Variants in KCNN1 observed in about 807,000 individuals in gnomAD.
KCNN1 encodes the protein potassium calcium-activated channel subfamily N member 1.
In KCNN1, 20 loss-of-function variants were observed where a neutral mutation model predicts 44.7. The observed-to-expected ratio is 0.45, with a 90% CI of 0.32 to 0.65. The LOEUF is 0.65. KCNN1 is among the 30% of genes least tolerant of loss of function. The pLI is 0.05. For missense variants in KCNN1, 632 were observed against 785.3 expected (o/e 0.80, Z 2.33); for synonymous variants, 324 against 341.7 (o/e 0.95, Z 0.57).
intron 1 of KCNN1, among the ~76,000 whole-genome samples, chr19:17,954,098 C>T (rs1428744299): frequency 6.6e-6 from 1 of 152,160 alleles, no homozygotes; most frequent in Admixed American, 6.6e-5. Flanking sequence ...GGGGCTAGCC[C>T]AGGGCCCCAT....
intron 4 of KCNN1, chr19:17,982,568 G>A (rs2032454589): frequency 1.0e-6 from 1 of 985,314 alleles, no homozygotes; most frequent in Admixed American, 6.1e-5. Flanking sequence ...TGGACTTTAG[G>A]GAAAACATGT....
chr19:17,989,132 A>C (rs1173126540), intron 6 of KCNN1, among the ~76,000 whole-genome samples: 1 of 152,168 alleles, frequency 6.6e-6, no homozygotes, highest in East Asian at 1.9e-4. Flanking sequence ...AAAATCAGGG[A>C]AATAAAAACA....
chr19:17,984,236 C>A (rs2032519858), intron 4 of KCNN1, among the ~76,000 whole-genome samples: 1 of 151,974 alleles, frequency 6.6e-6, no homozygotes, highest in African/African-American at 2.4e-5. Flanking sequence ...ACTGGAGGTG[C>A]CTGGAGTGGC....
chr19:17,982,890 G>T (rs531375481), intron 4 of KCNN1, among the ~76,000 whole-genome samples: 1 of 152,124 alleles, frequency 6.6e-6, no homozygotes, highest in Non-Finnish European at 1.5e-5. Flanking sequence ...ATGGATCTGG[G>T]GTGGGCTAGG....
At chr19:17,979,803 T>A (rs1183560938) in intron 3 of KCNN1, among the ~76,000 whole-genome samples, 1 of 152,088 alleles carries the variant, frequency 6.6e-6, no homozygotes, top group South Asian at 2.1e-4. Context: ...GACTTTTTTT[T>A]CTTTTTCTTA....
rs557634078 is a variant in KCNN1, at chr19:17,954,858, C to T, written c.-82+177C>T. On this transcript the variant is annotated intron_variant, in intron 2 of 10. Coordinates refer to the KCNN1 transcript ENST00000222249. ...TTTGAGGCCAGTTTGGCCGACATGG[C>T]GAAACCCCGTGTCTACTAAAAATAC... Among the ~76,000 whole-genome samples the T allele has an allele frequency of 6.2e-4, 94 of 151,512 alleles. No individual in the cohort carries two copies. The South Asian group carries it at 0.019, about 30-fold the overall frequency.
At chr19:17,996,028 G>C (rs1022217724) in intron 9 of KCNN1, among the ~76,000 whole-genome samples, 1 of 151,930 alleles carries the variant, frequency 6.6e-6, no homozygotes, top group Admixed American at 6.6e-5. Flanking sequence ...GGTAGAGAAA[G>C]GAAAATATTA....
intron 1 of KCNN1, among the ~76,000 whole-genome samples, chr19:17,952,845 C>T (rs2031448513): frequency 1.3e-5 from 2 of 152,132 alleles, no homozygotes; most frequent in South Asian, 4.1e-4. Context: ...CCTCCCTTCC[C>T]CCCTCCCCTC....
At position 17,975,330 on chromosome 19, in the gene KCNN1, C is replaced by G. The variant is rs1289505198; in HGVS notation, c.498+143C>G. 11 of 596,990 alleles carry G rather than the reference C, an allele frequency of 1.8e-5. No homozygotes were observed. The Middle Eastern group carries it at 1.0e-3, about 57-fold the overall frequency. The allele number at this position is 596,990 out of a possible 1,614,324, so 37.0% of individuals were successfully genotyped here. On this transcript the variant is annotated intron_variant, in intron 3 of 9. Coordinates refer to ENST00000684775, the MANE Select transcript of KCNN1 (RefSeq NM_001386974.1). Reference sequence around the variant, plus strand: ...TAGAAAAAAGATCTCCATAAAGACACACAGTTTCCATCATTCTAGATTTCC... The same window carrying G: ...TAGAAAAAAGATCTCCATAAAGACAGACAGTTTCCATCATTCTAGATTTCC...
In KCNN1 at chr19:17,979,182, C is replaced by T. The variant is rs186075073; in HGVS notation, c.499-2527C>T. Reference sequence around the variant, plus strand: ...AAAGGCCGGGCTCACGACTGTAATCCCAGCACTTTGGGAGGCCGAGGTGGG... The same window carrying T: ...AAAGGCCGGGCTCACGACTGTAATCTCAGCACTTTGGGAGGCCGAGGTGGG... On this transcript the variant is annotated intron_variant, in intron 3 of 9. Coordinates refer to ENST00000684775, the MANE Select transcript of KCNN1 (RefSeq NM_001386974.1). Among the ~76,000 whole-genome samples, 1,476 of 150,626 alleles carry T rather than the reference C, an allele frequency of 9.8e-3. 24 individuals are homozygous for T. The highest frequency in any genetic ancestry group is 0.035 in the African/African-American group (1,428 of 40,984).
chr19:17,956,293 G>A (rs1163493702), intron 2 of KCNN1, among the ~76,000 whole-genome samples: 2 of 152,188 alleles, frequency 1.3e-5, no homozygotes, highest in Non-Finnish European at 2.9e-5. Context: ...CCATGGGGGT[G>A]TGGAGAAAAC....
intron 9 of KCNN1, among the ~76,000 whole-genome samples, chr19:17,996,222 C>CTT (rs2032988006): frequency 4.0e-5 from 6 of 150,104 alleles, no homozygotes; most frequent in African/African-American, 1.5e-4. Flanking sequence ...GGGAGGATCA[C>CTT]TTGAGCCTGG....
At chr19:17,994,496 C>A (rs2032913480) in intron 9 of KCNN1, among the ~76,000 whole-genome samples, 1 of 150,560 alleles carries the variant, frequency 6.6e-6, no homozygotes, top group Admixed American at 6.6e-5. Flanking sequence ...ATACATGGAT[C>A]TGTGTGTTGA....
intron 1 of KCNN1, chr19:17,971,962 G>A (rs2032038802): frequency 6.6e-6 from 1 of 152,000 alleles, no homozygotes; most frequent in Non-Finnish European, 1.5e-5. Flanking sequence ...TGGAGCCCAG[G>A]AGTTCCAGAC....
intron 1 of KCNN1, among the ~76,000 whole-genome samples, chr19:17,970,976 C>T (rs1448771558): frequency 2.6e-5 from 4 of 151,672 alleles, no homozygotes; most frequent in South Asian, 2.1e-4. Context: ...CTCCACCTCC[C>T]GAGTTCAAGC....
At position 17,983,224 on chromosome 19, in the gene KCNN1, C is replaced by T. The variant is rs1395982624; in HGVS notation, c.917+1097C>T. Among the ~76,000 whole-genome samples the T allele has an allele frequency of 1.3e-5, 2 of 151,974 alleles. No homozygotes were observed. Among genetic ancestry groups the T allele is most frequent in the South Asian group, 2.1e-4 (1 of 4,830 alleles). ...GCAGTCTCAGAGGCAGGAGGGGCTC[C>T]GCCAGGCCTGGGGTGTGAGGGTGCC... On this transcript the variant is annotated intron_variant, in intron 4 of 9. Coordinates refer to ENST00000684775, the MANE Select transcript of KCNN1 (RefSeq NM_001386974.1). This position sits in a 1 kb window ranked among gnomAD's most constrained non-coding sequence, Gnocchi z 4.5.
At chr19:17,968,365 A>T (rs1257080464) in intron 1 of KCNN1, among the ~76,000 whole-genome samples, 1 of 151,324 alleles carries the variant, frequency 6.6e-6, no homozygotes, top group African/African-American at 2.4e-5. Flanking sequence ...TACAGACTGC[A>T]AAGCATTTGC....
intron 9 of KCNN1, among the ~76,000 whole-genome samples, chr19:17,995,987 GTA>G (rs1568461539): frequency 1.3e-5 from 2 of 151,982 alleles, no homozygotes; most frequent in African/African-American, 4.8e-5. Context: ...TATATTTTGT[GTA>G]TATATACTGT....
chr19:17,975,244 C>A, intron 3 of KCNN1, 57 bp downstream of exon 3: 1 of 1,267,090 alleles, frequency 7.9e-7, no homozygotes, highest in Non-Finnish European at 1.2e-6. Context: ...GATCCCCCCA[C>A]ACCAGCCCAC....
Sources: gnomAD v4.1 joint callset for allele counts (sites outside exome capture counted in the v4.1 genomes callset) on GRCh38, gnomAD v4.1.1 for gene constraint, Gnocchi (gnomAD v3.1) non-coding constraint, MANE v1.5 for transcripts, NCBI Gene and HGNC (gene_info 2026-07-23, HGNC 2026-07-21) for gene names.